PIEZO1: variants seen among roughly 807,000 people sequenced by gnomAD.
PIEZO1 encodes piezo type mechanosensitive ion channel component 1 (Er blood group), also known as piezo-type mechanosensitive ion channel component 1.
In PIEZO1, 296 loss-of-function variants were observed where a neutral mutation model predicts 297.2. The observed-to-expected ratio is 1.00, with a 90% confidence interval of 0.91 to 1.10. The LOEUF (loss-of-function observed/expected upper bound fraction) is 1.10. Ranked by LOEUF, PIEZO1 falls within the 50% of genes least tolerant of loss-of-function variation. PIEZO1 has a pLI of 0.00. For missense variants in PIEZO1, 5,018 were observed against 3,455.5 expected, an observed-to-expected ratio of 1.45 and a Z score of -11.34; for synonymous variants, 2,427 against 1,507.5, an observed-to-expected ratio of 1.61 and a Z score of -14.13.
Position 88,715,377 on chromosome 16 carries a change from A to T in PIEZO1, c.*228T>A, listed in dbSNP as rs1911907396. 1 of 1,056,428 alleles carries T rather than the reference A, an allele frequency of 9.5e-7. No individual in the cohort carries two copies. The highest frequency in any genetic ancestry group is 1.3e-6 in the Non-Finnish European group (1 of 753,434). 65.4% of individuals were successfully genotyped at this position (1,056,428 alleles called of 1,614,324 possible). ...TGTATAAATAAAACATTTTTTAATT[A>T]AAAAAAAAACTCTACAGTACACGTG... On this transcript the variant is annotated 3_prime_UTR_variant, in exon 51 of 51. Coordinates refer to ENST00000301015, the MANE Select transcript of PIEZO1 (RefSeq NM_001142864.4).
At position 88,734,570 on chromosome 16, in the gene PIEZO1, C is replaced by T. The variant is rs757829603; in HGVS notation, c.1998-32G>A. On this transcript the variant is annotated intron_variant, in intron 15 of 50. Transcript: ENST00000301015. ...AGGGGCAGCATCAGCACCGGCCCGGCCCCCGGCAGAGCCGCTGCAGCCCCG... is the reference window on the plus strand; with the variant it reads ...AGGGGCAGCATCAGCACCGGCCCGGTCCCCGGCAGAGCCGCTGCAGCCCCG... 1.9e-5 allele frequency: 29 copies of T among 1,543,768 alleles called. No individual in the cohort carries two copies. The Middle Eastern group carries it at 8.9e-4, about 47-fold the overall frequency.
intron 1 of PIEZO1, among the ~76,000 whole-genome samples, chr16:88,780,731 C>T (rs1010193478): frequency 3.3e-5 from 5 of 152,226 alleles, no homozygotes; most frequent in Non-Finnish European, 5.9e-5. Context: ...GAGGCTGAGG[C>T]GGGCAGATCG....
Position 88,715,791 on chromosome 16 carries a change from G to A in PIEZO1, c.7380C>T (p.Ser2460=), listed in dbSNP as rs1191735185. 1.1e-5 allele frequency: 17 copies of A among 1,550,226 alleles called. No individual in the cohort carries two copies. The highest frequency in any genetic ancestry group is 2.4e-5 in the East Asian group (1 of 40,928). Residue 2460 remains serine, a synonymous_variant, in exon 51 of 51, where the codon AGC becomes AGT. Coordinates refer to ENST00000301015, the MANE Select transcript of PIEZO1 (RefSeq NM_001142864.4). The stretch of plus-strand genomic sequence containing the variant: ...CGAACATAATGGAGTGCGAGATCTC[G>A]CTGAAGAATCCGCGCACGAACTTGC... ...VIGKFVRGFF[S]EISHSIMFEE...
intron 1 of PIEZO1, among the ~76,000 whole-genome samples, chr16:88,775,036 C>G (rs1054541247): frequency 6.6e-6 from 1 of 152,232 alleles, no homozygotes; most frequent in Non-Finnish European, 1.5e-5. Flanking sequence ...CAGCAGACAC[C>G]CAGGGAGGCC....
chr16:88,723,926 T>G lies in PIEZO1; in HGVS notation c.4280A>C (p.Glu1427Ala). 5.8e-6 allele frequency: 9 copies of G among 1,549,954 alleles called. No homozygotes were observed. Among genetic ancestry groups the G allele is most frequent in the Non-Finnish European group, 7.9e-6 (9 of 1,146,488 alleles). The change falls in exon 31 of 51, where the codon GAA (glutamate) becomes GCA (alanine). Residue 1427 changes from glutamate to alanine, a missense_variant. Transcript: ENST00000301015. ...DYFLFESDSE[E>A]EEEAVPEDPR... ...GTCTTCAGGAACAGCCTCCTCCTCT[T>G]CCTCACTGTCGGACTCAAACAGGAA...
intron 30 of PIEZO1, 141 bp downstream of exon 30, chr16:88,724,868 G>T: frequency 1.8e-6 from 1 of 557,650 alleles, no homozygotes; most frequent in East Asian, 3.5e-5. Flanking sequence ...GGCACCCCCC[G>T]ACCCAGGAGG....
intron 44 of PIEZO1, 121 bp downstream of exon 44, chr16:88,719,453 A>T: frequency 1.1e-6 from 1 of 921,446 alleles, no homozygotes; most frequent in Non-Finnish European, 1.6e-6. Flanking sequence ...TCATGTCCCC[A>T]TGGGCTCCGA....
chr16:88,748,179 C>A (rs549504325), intron 2 of PIEZO1, among the ~76,000 whole-genome samples: 56 of 152,340 alleles, frequency 3.7e-4, no homozygotes, highest in African/African-American at 1.3e-3. Context: ...TTCAGTGGCT[C>A]TTCACCCTCC....
Position 88,744,687 on chromosome 16 carries a change from G to A in PIEZO1, c.161-2265C>T, listed in dbSNP as rs570781367. On this transcript the variant is annotated intron_variant, in intron 2 of 50. Transcript: ENST00000301015. ...CTGCCTCCTTCCCGGTTCAGTTCTC[G>A]GGCCGGCCAGAGTGTCCTGGTCTGG... is the stretch of plus-strand genomic sequence containing the variant. Among the ~76,000 whole-genome samples, 135 of 151,472 alleles carry A rather than the reference G, an allele frequency of 8.9e-4. 2 individuals carry two copies. The South Asian group carries it at 0.017, about 19-fold the overall frequency.
At position 88,732,380 on chromosome 16, in the gene PIEZO1, G is replaced by A. The variant is rs1362665381; in HGVS notation, c.2946C>T (p.Cys982=). The part of the protein sequence containing the change: ...RQQLDQDLLG[C]LKYFINFFFY... ...AGAAGAAGTTGATGAAGTACTTGAG[G>A]CAGCCGAGCAGATCCTGGTCCAGCT... is the stretch of plus-strand genomic sequence containing the variant. The change falls in exon 21 of 51, where the codon TGC becomes TGT. Residue 982 remains cysteine (C), a synonymous_variant. Coordinates refer to ENST00000301015, the MANE Select transcript of PIEZO1 (RefSeq NM_001142864.4). 18 of 1,549,640 alleles carry A rather than the reference G, an allele frequency of 1.2e-5. No homozygotes were observed. The highest frequency in any genetic ancestry group is 1.5e-5 in the Non-Finnish European group (17 of 1,146,528).
chr16:88,716,988 G>C, intron 45 of PIEZO1, 35 bp downstream of exon 45: 7 of 1,548,310 alleles, frequency 4.5e-6, no homozygotes, highest in Non-Finnish European at 6.1e-6. Flanking sequence ...ACCCCCAGGG[G>C]ATGGGAATGG....
rs767039089 is a variant in PIEZO1 at position 88,738,036 on chromosome 16, G to A, written c.918C>T (p.Thr306=). 28 of 1,535,732 alleles carry A rather than the reference G, an allele frequency of 1.8e-5. No individual in the cohort carries two copies. Among genetic ancestry groups the A allele is most frequent in the East Asian group, 1.2e-4 (5 of 40,910 alleles). The change falls in exon 8 of 51, where the codon ACC becomes ACT. Residue 306 remains threonine (T), a synonymous_variant. Coordinates refer to ENST00000301015, the MANE Select transcript of PIEZO1 (RefSeq NM_001142864.4). ...TGGCATACACAGGCCAGTCCAGGCCGGTGTTGAGGACCAGCGCGTGGGGGC... is the reference window on the plus strand; with the variant it reads ...TGGCATACACAGGCCAGTCCAGGCCAGTGTTGAGGACCAGCGCGTGGGGGC... ...CSSPHALVLN[T]GLDWPVYASP...
chr16:88,763,151 G>A (rs935998272), intron 1 of PIEZO1, among the ~76,000 whole-genome samples: 1 of 152,230 alleles, frequency 6.6e-6, no homozygotes, highest in East Asian at 1.9e-4. Flanking sequence ...CAGCTGGTGA[G>A]CTAGCAGCCA....
At chr16:88,776,206 G>A (rs1163275531) in intron 1 of PIEZO1, among the ~76,000 whole-genome samples, 3 of 152,344 alleles carry the variant, frequency 2.0e-5, no homozygotes, top group East Asian at 1.9e-4. Flanking sequence ...AGGCCGAGGC[G>A]GGTGGATCAT....
chr16:88,725,179 G>C, intron 29 of PIEZO1, 99 bp from the exon 30 acceptor site: 6 of 844,708 alleles, frequency 7.1e-6, no homozygotes, highest in Non-Finnish European at 1.1e-5. Context: ...GGTGGAGACA[G>C]ACACGGACAC....
intron 21 of PIEZO1, 137 bp downstream of exon 21, chr16:88,732,198 C>T (rs1904896943): frequency 1.4e-6 from 1 of 711,054 alleles, no homozygotes; most frequent in Non-Finnish European, 2.4e-6. Flanking sequence ...GAAGCCGTGC[C>T]TGGCCCTGAG....
At chr16:88,760,648 C>T (rs1294216485) in intron 1 of PIEZO1, among the ~76,000 whole-genome samples, 1 of 151,382 alleles carries the variant, frequency 6.6e-6, no homozygotes, top group African/African-American at 2.4e-5. Context: ...CACCCGTCTT[C>T]GAGGCAGCAG....
At position 88,734,351 on chromosome 16, in the gene PIEZO1, C is replaced by T. The variant is rs759756482; in HGVS notation, c.2180+5G>A. 39 of 1,517,342 alleles carry T rather than the reference C, an allele frequency of 2.6e-5. No individual in the cohort carries two copies. The highest frequency in any genetic ancestry group is 1.2e-4 in the Admixed American group (6 of 48,350). 94.0% of individuals were successfully genotyped at this position (1,517,342 alleles called of 1,614,324 possible). On this transcript the variant is annotated splice_donor_5th_base_variant and intron_variant, in intron 16 of 50. Coordinates refer to ENST00000301015, the MANE Select transcript of PIEZO1 (RefSeq NM_001142864.4). ...CAGGGCCGGACAGGGAGGGCGGGGC[C>T]GCACCTGTGAGCCCAGCGCGGGAGG...
intron 1 of PIEZO1, among the ~76,000 whole-genome samples, chr16:88,779,571 C>T (rs994766112): frequency 1.1e-4 from 17 of 152,356 alleles, no homozygotes; most frequent in African/African-American, 3.1e-4. Context: ...GGCTGCTGCC[C>T]AGAGCTCTGT....
Sources: allele counts gnomAD v4.1 joint callset (sites outside exome capture counted in the v4.1 genomes callset), GRCh38; gene constraint gnomAD v4.1.1; transcripts MANE v1.5; gene names NCBI Gene and HGNC (gene_info 2026-07-23, HGNC 2026-07-21).